Variants in RNF167 observed in about 807,000 individuals in gnomAD.
RNF167 encodes ring finger protein 167, also known as E3 ubiquitin-protein ligase RNF167.
RNF167 carries 19 observed loss-of-function variants against 34.8 expected under a neutral mutation model. The observed-to-expected ratio is 0.55, with a 90% CI of 0.38 to 0.80. The LOEUF (loss-of-function observed/expected upper bound fraction) is 0.80. RNF167 is among the 30% of genes least tolerant of loss of function. The pLI, the probability that RNF167 is intolerant of heterozygous loss-of-function variation, is 0.00. For synonymous variants in RNF167, 200 were observed against 170.4 expected, an observed-to-expected ratio of 1.17 and a Z score of -1.35; for missense variants, 464 against 447.0, an observed-to-expected ratio of 1.04 and a Z score of -0.34.
upstream of RNF167, chr17:4,940,185 C>A: frequency 2.8e-6 from 1 of 359,558 alleles, no homozygotes; most frequent in Admixed American, 4.9e-5. Context: ...GAATTAGAAT[C>A]GCGGGAAAAT....
In RNF167 at chr17:4,942,653, T is replaced by A; in HGVS notation, c.368T>A (p.Val123Glu). 1 of 1,613,970 alleles carries A rather than the reference T, an allele frequency of 6.2e-7. No individual in the cohort carries two copies. Among genetic ancestry groups the A allele is most frequent in the African/African-American group, 1.3e-5 (1 of 74,976 alleles). The change falls in exon 5 of 10, where the codon GTG becomes GAG. Residue 123 changes from valine to glutamate, a missense_variant. Physicochemically the swap from Val to Glu is moderately radical, Grantham distance 121 (BLOSUM62 -2). Transcript: ENST00000262482. ...NVNSNELLNMVWNSEEIQQQI... is the reference protein window; with the variant it reads ...NVNSNELLNMEWNSEEIQQQI... ...AATTCCAATGAACTTCTGAACATGG[T>A]GTGGAATAGTGGTAAGGCTGGGGGA... is the stretch of plus-strand genomic sequence containing the variant.
chr17:4,941,135 C>A lies in RNF167; in HGVS notation c.143C>A (p.Thr48Asn), dbSNP rs749941210. The A allele has an allele frequency of 1.2e-6, 2 of 1,614,188 alleles. No individual in the cohort carries two copies. Among genetic ancestry groups the A allele is most frequent in the Non-Finnish European group, 1.7e-6 (2 of 1,180,010 alleles). Reference sequence around the variant, plus strand: ...GACCTTCCAGCTCTGTTTGGGGCTACCTTGAGCCAGGAGGGCCTCCAGGTG... The same window carrying A: ...GACCTTCCAGCTCTGTTTGGGGCTAACTTGAGCCAGGAGGGCCTCCAGGTG... ...FADLPALFGA[T>N]LSQEGLQGFL... Residue 48 changes from threonine (T) to asparagine (N), a missense_variant, in exon 3 of 10, where the codon ACC becomes AAC. Transcript: ENST00000262482.
chr17:4,941,687 CG>C (rs987651044), intron 3 of RNF167, among the ~76,000 whole-genome samples: 1 of 152,066 alleles, frequency 6.6e-6, no homozygotes, highest in Non-Finnish European at 1.5e-5. Context: ...AGGCCGGGCG[CG>C]GTGGCTCACA....
Position 4,943,492 on chromosome 17 carries a change from C to G in RNF167, c.643C>G (p.Gln215Glu). 1 of 1,613,772 alleles carries G rather than the reference C, an allele frequency of 6.2e-7. No individual in the cohort carries two copies. The highest frequency in any genetic ancestry group is 8.5e-7 in the Non-Finnish European group (1 of 1,179,824). The change falls in exon 8 of 10, where the codon CAG becomes GAG. Residue 215 changes from glutamine to glutamate, a missense_variant. Transcript: ENST00000262482. ...RNRLTKEQLK[Q>E]IPTHDYQKGD... ...TCGACTTACCAAAGAGCAACTGAAACAGATTCCTACACATGACTATCAGAA... is the reference window on the plus strand; with the variant it reads ...TCGACTTACCAAAGAGCAACTGAAAGAGATTCCTACACATGACTATCAGAA...
rs142066180 is a variant in RNF167, at chr17:4,942,624, T to C, written c.339T>C (p.Asn113=). ...GATATGGTGCCGCTGTAGTACACAATGTGAATTCCAATGAACTTCTGAACA... is the reference window on the plus strand; with the variant it reads ...GATATGGTGCCGCTGTAGTACACAACGTGAATTCCAATGAACTTCTGAACA... ...KAGYGAAVVH[N]VNSNELLNMV... is the part of the protein sequence containing the mutation. The change falls in exon 5 of 10, where the codon AAT becomes AAC. Residue 113 remains asparagine, a synonymous_variant. Transcript: ENST00000262482. 3.6e-4 allele frequency: 574 copies of C among 1,614,018 alleles called. No individual in the cohort carries two copies. Among genetic ancestry groups the C allele is most frequent in the Non-Finnish European group, 4.7e-4 (555 of 1,180,046 alleles).
rs563073401 is a variant in RNF167, at chr17:4,940,359, A to T, written c.-425A>T. 60 of 161,554 alleles carry T rather than the reference A, an allele frequency of 3.7e-4. No homozygotes were observed. Among genetic ancestry groups the T allele is most frequent in the Non-Finnish European group, 6.0e-4 (45 of 74,688 alleles). 10.0% of individuals were successfully genotyped at this position (161,554 alleles called of 1,614,324 possible). On this transcript the variant is annotated splice_region_variant and 5_prime_UTR_variant, in exon 1 of 10. Transcript: ENST00000262482. ...GAGCGGCGGAGGCCAGAGGGAGGAG[A>T]GGTTTGTAAACTAGGAGGCTCCGGG...
chr17:4,944,986 C>T lies in RNF167; in HGVS notation c.1023C>T (p.Ser341=), dbSNP rs1189668855. 1 of 1,574,886 alleles carries T rather than the reference C, an allele frequency of 6.3e-7. No individual in the cohort carries two copies. The highest frequency in any genetic ancestry group is 1.8e-5 in the Admixed American group (1 of 54,194). The change falls in exon 10 of 10, where the codon TCC becomes TCT. Residue 341 remains serine, a synonymous_variant. Transcript: ENST00000262482. ...FPGPSTDPPL[S]PPSSPVILV is the part of the protein sequence containing the mutation. ...GGCCTTCAACAGATCCCCCACTGTC[C>T]CCTCCCTCTTCCCCTGTTATCCTGG...
chr17:4,941,191 C>G, intron 3 of RNF167, 34 bp downstream of exon 3: 1 of 1,553,806 alleles, frequency 6.4e-7, no homozygotes, highest in South Asian at 1.1e-5. Flanking sequence ...CTCCTTCCCT[C>G]CCTTCCTTCC....
At chr17:4,943,609 G>A (rs559720227) in intron 8 of RNF167, 90 bp downstream of exon 8, 2 of 1,081,846 alleles carry the variant, frequency 1.8e-6, no homozygotes, top group African/African-American at 1.5e-5. Flanking sequence ...TACAAAGATG[G>A]CAGTGGCCGG....
chr17:4,943,872 G>A (rs1465198283), intron 8 of RNF167, among the ~76,000 whole-genome samples: 2 of 152,194 alleles, frequency 1.3e-5, no homozygotes, highest in Non-Finnish European at 2.9e-5. Context: ...TGCACTTGTA[G>A]TCCCAGCTAA....
Position 4,944,980 on chromosome 17 carries a change from A to C in RNF167, c.1017A>C (p.Pro339=), listed in dbSNP as rs778144795. 6.3e-6 allele frequency: 10 copies of C among 1,583,138 alleles called. No homozygotes were observed. In the East Asian group the frequency reaches 9.0e-5, roughly 14 times the overall value. ...LVFPGPSTDP[P]LSPPSSPVIL... ...TTCCTGGGCCTTCAACAGATCCCCCACTGTCCCCTCCCTCTTCCCCTGTTA... is the reference window on the plus strand; with the variant it reads ...TTCCTGGGCCTTCAACAGATCCCCCCCTGTCCCCTCCCTCTTCCCCTGTTA... Residue 339 remains proline (P), a synonymous_variant, in exon 10 of 10, where the codon CCA becomes CCC. Transcript: ENST00000262482.
At chr17:4,941,347 G>A (rs551223757) in intron 3 of RNF167, among the ~76,000 whole-genome samples, 190 bp downstream of exon 3, 7 of 152,222 alleles carry the variant, frequency 4.6e-5, no homozygotes, top group African/African-American at 1.7e-4. Context: ...AATCTAGAGG[G>A]AGAAGACAGA....
chr17:4,944,686 C>T, intron 9 of RNF167, 29 bp from the exon 10 acceptor site: 1 of 1,614,142 alleles, frequency 6.2e-7, no homozygotes, highest in Non-Finnish European at 8.5e-7. Context: ...CAGCAGCCAC[C>T]AGGTGCTTCA....
intron 3 of RNF167, among the ~76,000 whole-genome samples, chr17:4,941,459 T>C (rs1970797334): frequency 6.6e-6 from 1 of 152,220 alleles, no homozygotes; most frequent in Non-Finnish European, 1.5e-5. Context: ...AGGTGCTAGT[T>C]ATTGCTTATA....
In RNF167 at chr17:4,943,465, A is replaced by C. The variant is rs1971040892; in HGVS notation, c.616A>C (p.Asn206His). Residue 206 changes from asparagine to histidine, a missense_variant, in exon 8 of 10, where the codon AAT (asparagine) becomes CAT (histidine). By Grantham distance (68) the Asn-to-His change is moderately conservative. Transcript: ENST00000262482. ...CCAGCACCGGAAACGGCTCCAGCGG[A>C]ATCGACTTACCAAAGAGCAACTGAA... Reference protein sequence around the residue: ...CIQHRKRLQRNRLTKEQLKQI... With the variant: ...CIQHRKRLQRHRLTKEQLKQI... The C allele has an allele frequency of 6.2e-7, 1 of 1,613,934 alleles. No homozygotes were observed. Among genetic ancestry groups the C allele is most frequent in the African/African-American group, 1.3e-5 (1 of 74,928 alleles).
upstream of RNF167, chr17:4,940,192 A>G (rs974697025): frequency 5.7e-6 from 2 of 348,322 alleles, no homozygotes; most frequent in African/African-American, 4.3e-5. Flanking sequence ...AATCGCGGGA[A>G]AATAGAGAAG....
Position 4,942,343 on chromosome 17 carries a change from G to A in RNF167, c.168G>A (p.Gly56=), listed in dbSNP as rs781018250. Residue 56 remains glycine (G), a splice_region_variant and synonymous_variant, in exon 4 of 10, where the codon GGG becomes GGA. Transcript: ENST00000262482. ...TGTTGTTTGCTTCCATCCTTCAGGG[G>A]TTCCTTGTGGAGGCTCACCCAGACA... ...GATLSQEGLQ[G]FLVEAHPDNA... 14 of 1,613,724 alleles carry A rather than the reference G, an allele frequency of 8.7e-6. No homozygotes were observed. The highest frequency in any genetic ancestry group is 2.2e-5 in the South Asian group (2 of 91,068).
At position 4,944,858 on chromosome 17, in the gene RNF167, C is replaced by T. The variant is rs370164233; in HGVS notation, c.895C>T (p.Pro299Ser). 41 of 1,613,650 alleles carry T rather than the reference C, an allele frequency of 2.5e-5. No homozygotes were observed. The highest frequency in any genetic ancestry group is 3.1e-5 in the Non-Finnish European group (36 of 1,179,844). Residue 299 changes from proline (P) to serine (S), a missense_variant, in exon 10 of 10, where the codon CCA becomes TCA. Pro to Ser is a moderately conservative substitution (Grantham distance 74). Coordinates refer to ENST00000262482, the MANE Select transcript of RNF167 (RefSeq NM_015528.3). ...QGQEEGDEGE[P>S]RDHPASERTP... ...GCAAGAGGAGGGTGATGAAGGGGAGCCAAGGGACCACCCTGCCTCAGAAAG... is the reference window on the plus strand; with the variant it reads ...GCAAGAGGAGGGTGATGAAGGGGAGTCAAGGGACCACCCTGCCTCAGAAAG...
At chr17:4,943,358 G>A in intron 7 of RNF167, 68 bp from the exon 8 acceptor site, 3 of 1,583,436 alleles carry the variant, frequency 1.9e-6, no homozygotes, top group Non-Finnish European at 2.6e-6. Flanking sequence ...TTGGGAGATG[G>A]GAGTGGCTTG....
Sources: allele counts gnomAD v4.1 joint callset (sites outside exome capture counted in the v4.1 genomes callset), GRCh38; gene constraint gnomAD v4.1.1; transcripts MANE v1.5; gene names NCBI Gene and HGNC (gene_info 2026-07-23, HGNC 2026-07-21).